The following PRDM16 variants were observed in gnomAD, a reference collection of about 807,000 sequenced individuals.
The protein encoded by PRDM16 is histone-lysine N-methyltransferase PRDM16.
PRDM16 carries 23 observed loss-of-function variants against 110.6 expected under a neutral mutation model. That is an observed-to-expected ratio of 0.21 (90% CI 0.15 to 0.29). The LOEUF is 0.29. Ranked by LOEUF, PRDM16 falls within the 10% of genes least tolerant of loss-of-function variation. The probability of loss-of-function intolerance (pLI) is 1.00; values close to 1 mark genes in which losing one functional copy is unlikely to be tolerated. For synonymous variants in PRDM16, 799 were observed against 781.8 expected (o/e 1.02, Z -0.37); for missense variants, 1,615 against 1,794.3 (o/e 0.90, Z 1.81).
chr1:3,278,502 C>G (rs1397259100), intron 3 of PRDM16, among the ~76,000 whole-genome samples: 2 of 152,192 alleles, frequency 1.3e-5, no homozygotes, highest in Non-Finnish European at 1.5e-5. Flanking sequence ...ACATCGGCAA[C>G]CCCCTCTTCT....
At chr1:3,273,318 T>C (rs1234661651) in intron 3 of PRDM16, among the ~76,000 whole-genome samples, 1 of 152,174 alleles carries the variant, frequency 6.6e-6, no homozygotes. Context: ...TCGAGGTGCC[T>C]TCTGGGCAGG....
At chr1:3,383,535 C>T (rs965614909) in intron 3 of PRDM16, among the ~76,000 whole-genome samples, 3 of 152,140 alleles carry the variant, frequency 2.0e-5, no homozygotes, top group African/African-American at 4.8e-5. Flanking sequence ...GACCGGGGCA[C>T]GTGGACCACA....
chr1:3,098,184 C>T (rs1241643262), intron 1 of PRDM16, among the ~76,000 whole-genome samples: 1 of 152,178 alleles, frequency 6.6e-6, no homozygotes, highest in Non-Finnish European at 1.5e-5. Context: ...CAGTCAAGGG[C>T]CCTGAGAGTC....
At chr1:3,071,841 G>A (rs1033098858) in intron 1 of PRDM16, among the ~76,000 whole-genome samples, 10 of 152,200 alleles carry the variant, frequency 6.6e-5, no homozygotes, top group Non-Finnish European at 1.5e-4. Context: ...CCAGCATTTC[G>A]GGGGCCACCG....
chr1:3,195,590 C>G (rs915394954), intron 2 of PRDM16, among the ~76,000 whole-genome samples: 30 of 149,542 alleles, frequency 2.0e-4, no homozygotes, highest in African/African-American at 7.5e-4. Context: ...CACGCCCCGC[C>G]CCCCCTGTCC....
rs1295510891 is a variant in PRDM16, at chr1:3,417,824, A to T, written c.2692-4A>T. On this transcript the variant is annotated splice_region_variant and splice_polypyrimidine_tract_variant and intron_variant, in intron 10 of 16. Transcript: ENST00000270722. ...TCCATAACCTCCCACTCTTATGCCT[A>T]CAGATGTCAGCCATAGAGACCATGA... 1 of 1,613,386 alleles carries T rather than the reference A, an allele frequency of 6.2e-7. No homozygotes were observed. The highest frequency in any genetic ancestry group is 1.7e-5 in the Admixed American group (1 of 59,994).
At chr1:3,176,062 ACCATCCAT>A (rs1182676633) in intron 1 of PRDM16, among the ~76,000 whole-genome samples, 9 of 23,812 alleles carry the variant, frequency 3.8e-4, no homozygotes, top group African/African-American at 1.1e-3. Context: ...CATCCATCCA[ACCATCCAT>A]CCATCCATCC....
intron 1 of PRDM16, among the ~76,000 whole-genome samples, chr1:3,183,905 C>T (rs183080647): frequency 2.6e-5 from 4 of 152,292 alleles, no homozygotes; most frequent in African/African-American, 7.2e-5. Flanking sequence ...AGTTAAGGAG[C>T]GCGTCGAGGG....
chr1:3,335,611 A>G (rs796718284), intron 3 of PRDM16, among the ~76,000 whole-genome samples: 33,645 of 150,072 alleles, frequency 0.22, 4,458 homozygotes, highest in Middle Eastern at 0.39. Context: ...AAACACACAC[A>G]CACACACACA....
chr1:3,320,263 A>G (rs1164827146), intron 3 of PRDM16, among the ~76,000 whole-genome samples: 1 of 152,242 alleles, frequency 6.6e-6, no homozygotes, highest in Non-Finnish European at 1.5e-5. Flanking sequence ...ACAGGTTCCT[A>G]GGAATTTCAC....
chr1:3,235,293 C>G (rs371051141), intron 2 of PRDM16, among the ~76,000 whole-genome samples: 3 of 152,374 alleles, frequency 2.0e-5, no homozygotes, highest in East Asian at 3.9e-4. Flanking sequence ...AGTTCCTGAG[C>G]TGGCTACGGG....
chr1:3,123,825 C>T (rs921306016), intron 1 of PRDM16, among the ~76,000 whole-genome samples: 1 of 152,238 alleles, frequency 6.6e-6, no homozygotes, highest in Admixed American at 6.5e-5. Flanking sequence ...GGATGAGCTG[C>T]GGGGTCTGGG....
intron 1 of PRDM16, among the ~76,000 whole-genome samples, chr1:3,180,193 CTTGT>C (rs779624730): frequency 2.3e-3 from 350 of 151,172 alleles, no homozygotes; most frequent in Non-Finnish European, 3.5e-3. Flanking sequence ...TGTTTGTTTG[CTTGT>C]TTGTTTTAAG....
chr1:3,134,294 T>C (rs1057113801), intron 1 of PRDM16, among the ~76,000 whole-genome samples: 1 of 152,130 alleles, frequency 6.6e-6, no homozygotes, highest in African/African-American at 2.4e-5. Flanking sequence ...TGGAACATAG[T>C]GCCCCGCTTG....
Position 3,209,716 on chromosome 1 carries a change from G to A in PRDM16, c.387+23242G>A, listed in dbSNP as rs901813177. On this transcript the variant is annotated intron_variant, in intron 2 of 16. Coordinates refer to ENST00000270722, the MANE Select transcript of PRDM16 (RefSeq NM_022114.4). The surrounding 1 kb of genome is among the most constrained non-coding windows in gnomAD (Gnocchi z 4.6). ...GGCCACCAGGAACCACAGCCCTCCCGCCCCCCACAGAGCCCCTTCCCTGAG... is the reference window on the plus strand; with the variant it reads ...GGCCACCAGGAACCACAGCCCTCCCACCCCCCACAGAGCCCCTTCCCTGAG... Among the ~76,000 whole-genome samples, 2 of 152,006 alleles carry A rather than the reference G, an allele frequency of 1.3e-5. No homozygotes were observed. Among genetic ancestry groups the A allele is most frequent in the African/African-American group, 2.4e-5 (1 of 41,412 alleles).
At chr1:3,205,163 C>CG (rs370315352) in intron 2 of PRDM16, among the ~76,000 whole-genome samples, 5 of 94,572 alleles carry the variant, frequency 5.3e-5, no homozygotes, top group African/African-American at 2.1e-4. Flanking sequence ...TACCTAGAGC[C>CG]GGGGGGCCAG....
intron 3 of PRDM16, among the ~76,000 whole-genome samples, chr1:3,343,801 G>A (rs1013085653): frequency 2.6e-5 from 4 of 151,762 alleles, no homozygotes; most frequent in Admixed American, 1.3e-4. Context: ...CCACCATGCC[G>A]GGCTAATTTT....
chr1:3,426,364 AGGGTGAGG>A, intron 14 of PRDM16, 139 bp downstream of exon 14: 2 of 616,576 alleles, frequency 3.2e-6, no homozygotes, highest in Non-Finnish European at 5.4e-6. Flanking sequence ...CTCACCACAG[AGGGTGAGG>A]CCCCTGGGCT....
At chr1:3,152,917 C>T (rs1248560052) in intron 1 of PRDM16, among the ~76,000 whole-genome samples, 1 of 152,208 alleles carries the variant, frequency 6.6e-6, no homozygotes, top group Non-Finnish European at 1.5e-5. Flanking sequence ...AAGCCCAGAC[C>T]AGAAGACAGG....
Sources: gnomAD v4.1 joint callset for allele counts (sites outside exome capture counted in the v4.1 genomes callset) on GRCh38, gnomAD v4.1.1 for gene constraint, Gnocchi (gnomAD v3.1) non-coding constraint, MANE v1.5 for transcripts, NCBI Gene and HGNC (gene_info 2026-07-23, HGNC 2026-07-21) for gene names.